STK3: variants seen among roughly 807,000 people sequenced by gnomAD.
STK3 encodes serine/threonine-protein kinase 3.
Under a neutral mutation model 58.0 loss-of-function variants are expected in STK3, and 41 were observed. The observed-to-expected ratio is 0.71, with a 90% confidence interval of 0.55 to 0.92. The LOEUF is 0.92. Ranked by LOEUF, STK3 falls within the 40% of genes least tolerant of loss-of-function variation. The pLI is 0.00. For missense variants in STK3, 479 were observed against 602.7 expected (o/e 0.79, Z 2.15); for synonymous variants, 170 against 191.0 (o/e 0.89, Z 0.91).
At chr8:98,372,906 A>G (rs1817626141) in intron 2 of STK3, among the ~76,000 whole-genome samples, 1 of 152,264 alleles carries the variant, frequency 6.6e-6, no homozygotes. Flanking sequence ...CCCTGAGGTT[A>G]TGATGAGAAT....
intron 10 of STK3, among the ~76,000 whole-genome samples, chr8:98,524,621 T>C (rs373645422): frequency 1.3e-5 from 2 of 152,248 alleles, no homozygotes; most frequent in East Asian, 3.8e-4. Flanking sequence ...CAATGGACAC[T>C]GTGCAGATCC....
At chr8:98,429,017 G>A (rs1255116486) in intron 3 of STK3, 4 of 1,613,914 alleles carry the variant, frequency 2.5e-6, no homozygotes, top group Non-Finnish European at 3.4e-6. Flanking sequence ...TCTCCGTGGT[G>A]GCCTACACCA....
At chr8:98,784,960 T>C (rs1229988621) in intron 1 of STK3, among the ~76,000 whole-genome samples, 1 of 151,260 alleles carries the variant, frequency 6.6e-6, no homozygotes, top group East Asian at 2.0e-4. Flanking sequence ...CCCTCTCTGC[T>C]TCACACTCAG....
intron 4 of STK3, among the ~76,000 whole-genome samples, chr8:98,730,722 A>AAAAAC (rs1381525020): frequency 2.5e-4 from 38 of 151,590 alleles, no homozygotes; most frequent in Non-Finnish European, 5.0e-4. Flanking sequence ...TCTCAAAAAA[A>AAAAAC]AAAAAAAAAA....
chr8:98,749,318 G>A lies in STK3; in HGVS notation c.309C>T (p.Gly103=), dbSNP rs373807046. Reference sequence around the variant, plus strand: ...TAATTATGTCTGAGACAGAGCCAGCGCCACAGTACTCCATAACAATCCAGA... The same window carrying A: ...TAATTATGTCTGAGACAGAGCCAGCACCACAGTACTCCATAACAATCCAGA... ...TDLWIVMEYC[G]AGSVSDIIRL... Residue 103 remains glycine, a synonymous_variant, in exon 4 of 11, where the codon GGC becomes GGT. Transcript: ENST00000419617. The A allele has an allele frequency of 3.9e-5, 63 of 1,608,646 alleles. No homozygotes were observed. Among genetic ancestry groups the A allele is most frequent in the Middle Eastern group, 3.3e-4 (2 of 6,060 alleles).
chr8:98,926,972 G>A (rs1839822678), intron 1 of STK3, among the ~76,000 whole-genome samples: 1 of 152,216 alleles, frequency 6.6e-6, no homozygotes, highest in Non-Finnish European at 1.5e-5. Context: ...ATGCAGACTA[G>A]GCTGTGTAAG....
At chr8:98,523,320 T>C (rs553564643) in intron 10 of STK3, among the ~76,000 whole-genome samples, 1 of 152,176 alleles carries the variant, frequency 6.6e-6, no homozygotes. Flanking sequence ...TCTTTTCATG[T>C]GTTTATTAGC....
intron 3 of STK3, among the ~76,000 whole-genome samples, chr8:98,846,763 C>T (rs1836218881): frequency 6.6e-6 from 1 of 152,072 alleles, no homozygotes; most frequent in Admixed American, 6.6e-5. Context: ...CATATGTCCA[C>T]TGGATGTGGA....
At chr8:98,593,189 T>G (rs1815486335) in intron 7 of STK3, among the ~76,000 whole-genome samples, 1 of 152,214 alleles carries the variant, frequency 6.6e-6, no homozygotes, top group Non-Finnish European at 1.5e-5. Context: ...TTTTAATTTA[T>G]CTTTAAAAAC....
At position 98,825,603 on chromosome 8, in the gene STK3, G is replaced by A. The variant is rs937308435; in HGVS notation, c.-63C>T. On this transcript the variant is annotated 5_prime_UTR_variant, in exon 1 of 11. Transcript: ENST00000419617. ...GAAGGCCGAAAGGAGGAAAGGAGCC[G>A]GGGCACCGGCCGGCCGAGCCTAGGG... The A allele has an allele frequency of 1.2e-5, 16 of 1,374,966 alleles. No individual in the cohort carries two copies. Among genetic ancestry groups the A allele is most frequent in the African/African-American group, 1.5e-5 (1 of 64,734 alleles). 85.2% of individuals were successfully genotyped at this position (1,374,966 alleles called of 1,614,324 possible).
chr8:98,462,634 G>A (rs1354412591), intron 10 of STK3, among the ~76,000 whole-genome samples: 2 of 152,110 alleles, frequency 1.3e-5, no homozygotes, highest in Non-Finnish European at 2.9e-5. Context: ...TGGGCTGTCA[G>A]AGAACTTCAA....
At chr8:98,738,141 C>T (rs538532174) in intron 4 of STK3, among the ~76,000 whole-genome samples, 3 of 152,182 alleles carry the variant, frequency 2.0e-5, no homozygotes. Context: ...ATTCCAATCA[C>T]AAACCCAGCA....
chr8:98,539,736 C>T (rs1487610368), intron 9 of STK3, among the ~76,000 whole-genome samples: 1 of 151,962 alleles, frequency 6.6e-6, no homozygotes, highest in Non-Finnish European at 1.5e-5. Flanking sequence ...CTAAACATAA[C>T]CGGTTATTTC....
the STK3 span, among the ~76,000 whole-genome samples, chr8:98,349,130 T>C: frequency 6.6e-6 from 1 of 152,230 alleles, no homozygotes; most frequent in Admixed American, 6.5e-5. Flanking sequence ...TAAATGTGTA[T>C]TCCTATAAGA....
chr8:98,560,982 G>A (rs879387692), intron 8 of STK3, among the ~76,000 whole-genome samples: 26 of 152,060 alleles, frequency 1.7e-4, no homozygotes, highest in Non-Finnish European at 3.4e-4. Flanking sequence ...GCAGTGAGCC[G>A]TGATTGCTGT....
chr8:98,932,898 C>G (rs1039306878), intron 1 of STK3, among the ~76,000 whole-genome samples: 2 of 152,220 alleles, frequency 1.3e-5, no homozygotes, highest in Non-Finnish European at 2.9e-5. Flanking sequence ...AGACTGTTAC[C>G]TGGTCATAAG....
intron 6 of STK3, among the ~76,000 whole-genome samples, chr8:98,680,307 G>A (rs551507863): frequency 6.6e-6 from 1 of 152,210 alleles, no homozygotes; most frequent in African/African-American, 2.4e-5. Context: ...CAGGAGGTAT[G>A]GATAATCTGG....
chr8:98,372,502 T>C (rs1817621102), intron 2 of STK3, among the ~76,000 whole-genome samples: 1 of 150,880 alleles, frequency 6.6e-6, no homozygotes, highest in South Asian at 2.1e-4. Flanking sequence ...TGTTGTTATT[T>C]TTCCTAGGCT....
chr8:98,594,539 G>A (rs1815634440), intron 7 of STK3, among the ~76,000 whole-genome samples: 1 of 152,060 alleles, frequency 6.6e-6, no homozygotes, highest in Admixed American at 6.6e-5. Flanking sequence ...GGCAGAGGTT[G>A]CAGTGAGCCA....
Sources: gnomAD v4.1 joint callset for allele counts (sites outside exome capture counted in the v4.1 genomes callset) on GRCh38, gnomAD v4.1.1 for gene constraint, MANE v1.5 for transcripts, NCBI Gene and HGNC (gene_info 2026-07-23, HGNC 2026-07-21) for gene names.